The following UGT2A1 variants were observed in gnomAD, a reference collection of about 807,000 sequenced individuals.
UGT2A1 encodes UDP glucuronosyltransferase family 2 member A1 complex locus.
UGT2A1 carries 61 observed loss-of-function variants against 45.4 expected under a neutral mutation model. The observed-to-expected ratio is 1.34, with a 90% CI of 1.09 to 1.66. The LOEUF (loss-of-function observed/expected upper bound fraction) is 1.66, where lower values mean the gene tolerates loss of function less well. UGT2A1 is among the 40% of genes most tolerant of loss of function. The pLI is 0.00. For missense variants in UGT2A1, 649 were observed against 574.3 expected (o/e 1.13, Z -1.33); for synonymous variants, 229 against 196.2 (o/e 1.17, Z -1.40).
intron 3 of UGT2A1, among the ~76,000 whole-genome samples, chr4:69,615,132 T>A (rs764558287): frequency 5.9e-5 from 9 of 152,028 alleles, no homozygotes; most frequent in Non-Finnish European, 1.3e-4. Context: ...AACATGAGAT[T>A]TGGATGAGGA....
At chr4:69,593,967 C>CTTTTTTTTTTTTTTTTTT (rs200066453) in intron 6 of UGT2A1, among the ~76,000 whole-genome samples, 5 of 107,818 alleles carry the variant, frequency 4.6e-5, no homozygotes, top group African/African-American at 3.5e-5. Flanking sequence ...TATTTGAAGT[C>CTTTTTTTTTTTTTTTTTT]TTTTTTTTTG....
At chr4:69,596,952 C>G (rs1334166835) in intron 4 of UGT2A1, among the ~76,000 whole-genome samples, 1 of 152,216 alleles carries the variant, frequency 6.6e-6, no homozygotes, top group African/African-American at 2.4e-5. Context: ...CAACTCTTCT[C>G]ATGCTAACTG....
intron 3 of UGT2A1, among the ~76,000 whole-genome samples, chr4:69,618,217 A>T (rs75876192): frequency 7.2e-4 from 72 of 99,770 alleles, no homozygotes; most frequent in Middle Eastern, 5.3e-3. Flanking sequence ...GTGTGTGTGT[A>T]TGTTTGTGTG....
intron 1 of UGT2A1, among the ~76,000 whole-genome samples, chr4:69,648,087 A>T (rs1722363278): frequency 6.6e-6 from 1 of 151,678 alleles, no homozygotes. Context: ...AAGTTTTTAA[A>T]TTTTTAATGC....
rs1718811580 is a variant in UGT2A1, at chr4:69,594,672, A to G, written c.1109T>C (p.Ile370Thr). The G allele has an allele frequency of 1.2e-6, 2 of 1,613,874 alleles. No homozygotes were observed. Among genetic ancestry groups the G allele is most frequent in the Non-Finnish European group, 1.7e-6 (2 of 1,179,956 alleles). ...LLGHPKTKAF[I>T]THGGTNGIYE... ...GATCCCATTAGTTCCACCATGAGTG[A>G]TAAAAGCTTTGGTTTTGGGATGTCC... The change falls in exon 6 of 7, where the codon ATC becomes ACC. Residue 370 changes from isoleucine to threonine, a missense_variant. By Grantham distance (89) the Ile-to-Thr change is moderately conservative. Transcript: ENST00000286604.
At chr4:69,612,067 C>T (rs1170928661) in intron 3 of UGT2A1, among the ~76,000 whole-genome samples, 5 of 152,082 alleles carry the variant, frequency 3.3e-5, no homozygotes, top group African/African-American at 9.6e-5. Flanking sequence ...GCTAGAAAAG[C>T]ATCTTGGAAG....
chr4:69,615,842 G>C (rs1720347694), intron 3 of UGT2A1, among the ~76,000 whole-genome samples: 1 of 150,842 alleles, frequency 6.6e-6, no homozygotes, highest in Non-Finnish European at 1.5e-5. Flanking sequence ...CTATGGAGAA[G>C]AGTGTGGATA....
intron 1 of UGT2A1, 39 bp from the exon 2 acceptor site, chr4:69,647,737 A>G (rs1268311852): frequency 1.1e-6 from 1 of 919,872 alleles, no homozygotes; most frequent in African/African-American, 1.7e-5. Context: ...TTATTTCTCA[A>G]TTTTGAGGCA....
At chr4:69,601,387 C>G (rs1011832228) in intron 3 of UGT2A1, among the ~76,000 whole-genome samples, 2 of 152,080 alleles carry the variant, frequency 1.3e-5, no homozygotes, top group African/African-American at 4.8e-5. Context: ...CCTTCCCCGC[C>G]CCCCGGAGTA....
intron 3 of UGT2A1, among the ~76,000 whole-genome samples, chr4:69,602,134 A>G (rs1282998464): frequency 7.3e-6 from 1 of 136,704 alleles, no homozygotes; most frequent in Non-Finnish European, 1.6e-5. Context: ...TAGTAATGAA[A>G]TGATAGCTTA....
intron 3 of UGT2A1, among the ~76,000 whole-genome samples, chr4:69,617,605 A>C (rs4148291): frequency 0.35 from 53,364 of 151,546 alleles, 9,744 homozygotes; most frequent in African/African-American, 0.43. Context: ...AGTGCTATCT[A>C]TAAGTTAAAA....
intron 3 of UGT2A1, among the ~76,000 whole-genome samples, chr4:69,607,652 A>T (rs1224508046): frequency 6.6e-6 from 1 of 152,138 alleles, no homozygotes; most frequent in Non-Finnish European, 1.5e-5. Flanking sequence ...ATGGGAGAAA[A>T]TTTTTGCAAT....
At chr4:69,608,275 A>T (rs1016762919) in intron 3 of UGT2A1, among the ~76,000 whole-genome samples, 4 of 152,104 alleles carry the variant, frequency 2.6e-5, no homozygotes, top group Admixed American at 2.6e-4. Flanking sequence ...TTGCAGGGAC[A>T]TGGATGAAGC....
intron 3 of UGT2A1, among the ~76,000 whole-genome samples, chr4:69,622,437 A>G (rs939334577): frequency 1.3e-5 from 2 of 151,814 alleles, no homozygotes; most frequent in African/African-American, 4.8e-5. Context: ...AACTACATAG[A>G]AAGTAAAAGA....
chr4:69,639,615 A>C lies in UGT2A1; in HGVS notation c.716-3793T>G, dbSNP rs756150470. 54 of 1,598,498 alleles carry C rather than the reference A, an allele frequency of 3.4e-5. No homozygotes were observed. Among genetic ancestry groups the C allele is most frequent in the Non-Finnish European group, 4.4e-5 (52 of 1,174,222 alleles). On this transcript the variant is annotated intron_variant, in intron 2 of 6. Transcript: ENST00000286604. ...CAGCATCTGGACAAACTTCTTAGGC[A>C]TGGTAAAATCCCTTATGGAAACCAT...
chr4:69,592,412 T>G (rs544359904), intron 6 of UGT2A1, among the ~76,000 whole-genome samples: 134 of 152,048 alleles, frequency 8.8e-4, no homozygotes, highest in Non-Finnish European at 1.7e-3. Context: ...TAAAAATGCA[T>G]TTAGGTATTG....
Position 69,630,942 on chromosome 4 carries a change from G to T in UGT2A1, c.847+4749C>A, listed in dbSNP as rs868060810. On this transcript the variant is annotated intron_variant, in intron 3 of 6. Transcript: ENST00000286604. ...GTGCTAAAGAATACACGACTAAGTG[G>T]CAGAGTTAACAATACTACTTAAATG... Among the ~76,000 whole-genome samples, 3 of 152,016 alleles carry T rather than the reference G, an allele frequency of 2.0e-5. No homozygotes were observed. In the South Asian group the frequency reaches 6.2e-4, roughly 32 times the overall value.
intron 3 of UGT2A1, among the ~76,000 whole-genome samples, chr4:69,628,420 A>G (rs1721209920): frequency 2.0e-5 from 3 of 151,824 alleles, no homozygotes; most frequent in African/African-American, 7.3e-5. Flanking sequence ...AAGGGAACAA[A>G]ATGGAGAGTC....
intron 3 of UGT2A1, among the ~76,000 whole-genome samples, chr4:69,627,894 ATAT>A (rs1208187221): frequency 6.6e-6 from 1 of 151,948 alleles, no homozygotes; most frequent in Non-Finnish European, 1.5e-5. Context: ...AAATACTAAA[ATAT>A]TATTAATTTT....
Sources: allele counts gnomAD v4.1 joint callset (sites outside exome capture counted in the v4.1 genomes callset), GRCh38; gene constraint gnomAD v4.1.1; transcripts MANE v1.5; gene names NCBI Gene and HGNC (gene_info 2026-07-23, HGNC 2026-07-21).